Variants in SEM1 observed in about 807,000 individuals in gnomAD.
SEM1 encodes the protein SEM1 26S proteasome subunit.
SEM1 carries 3 observed loss-of-function variants against 12.7 expected under a neutral mutation model. The observed-to-expected ratio is 0.24, with a 90% CI of 0.11 to 0.61. The LOEUF is 0.61. Ranked by LOEUF, SEM1 falls within the 20% of genes least tolerant of loss-of-function variation. The pLI is 0.88. For synonymous variants in SEM1, 30 were observed against 27.8 expected, an observed-to-expected ratio of 1.08 and a Z score of -0.25; for missense variants, 59 against 81.3, an observed-to-expected ratio of 0.73 and a Z score of 1.06.
At chr7:96,505,324 G>T (rs1405334196) in intron 3 of SEM1, among the ~76,000 whole-genome samples, 1 of 151,924 alleles carries the variant, frequency 6.6e-6, no homozygotes, top group Admixed American at 6.6e-5. Context: ...GGCTAATCTT[G>T]AATTCCTGAC....
intron 2 of SEM1, among the ~76,000 whole-genome samples, chr7:96,675,574 A>G (rs1353200984): frequency 6.6e-6 from 1 of 152,106 alleles, no homozygotes; most frequent in Non-Finnish European, 1.5e-5. Flanking sequence ...CAGCTTCCTA[A>G]TAACTCCCCA....
chr7:96,583,009 T>G (rs1397098653), intron 2 of SEM1, among the ~76,000 whole-genome samples: 1 of 152,230 alleles, frequency 6.6e-6, no homozygotes, highest in Admixed American at 6.5e-5. Flanking sequence ...TCTTGCCTTC[T>G]GCTATCTTTT....
chr7:96,679,600 A>C (rs1433877820), intron 2 of SEM1, among the ~76,000 whole-genome samples: 1 of 152,130 alleles, frequency 6.6e-6, no homozygotes, highest in African/African-American at 2.4e-5. Context: ...AGGCAGCAAT[A>C]AAAAAGTATA....
At chr7:96,588,387 CACACACACACGAGA>C (rs1474104276) in intron 2 of SEM1, among the ~76,000 whole-genome samples, 17 of 68,464 alleles carry the variant, frequency 2.5e-4, no homozygotes, top group African/African-American at 6.7e-4. Context: ...CACACACACA[CACACACACACGAGA>C]GAGAGAGAGA....
intron 1 of SEM1, chr7:96,706,469 G>C (rs1790464792): frequency 6.6e-6 from 1 of 151,362 alleles, no homozygotes; most frequent in African/African-American, 2.4e-5. Flanking sequence ...GGCTGAGGCA[G>C]GAGAATCGCT....
intron 1 of SEM1, chr7:96,486,457 G>A (rs1434159375): frequency 2.7e-6 from 4 of 1,505,250 alleles, no homozygotes; most frequent in African/African-American, 2.8e-5. Context: ...GACCTTTCAG[G>A]CTGGCAGGAG....
intron 2 of SEM1, among the ~76,000 whole-genome samples, chr7:96,531,778 C>G (rs1804651284): frequency 6.6e-6 from 1 of 151,988 alleles, no homozygotes; most frequent in South Asian, 2.1e-4. Context: ...GTTAATATGG[C>G]AAGAATCTAG....
intron 2 of SEM1, among the ~76,000 whole-genome samples, chr7:96,655,769 T>C (rs1267221979): frequency 1.3e-5 from 2 of 152,244 alleles, no homozygotes; most frequent in Non-Finnish European, 2.9e-5. Flanking sequence ...TATGACTAGT[T>C]GCCTGTGGCT....
chr7:96,706,585 AAAAAAAAAAAG>A (rs1322966683), intron 1 of SEM1, among the ~76,000 whole-genome samples: 109 of 150,480 alleles, frequency 7.2e-4, no homozygotes, highest in African/African-American at 2.3e-3. Context: ...AAAAAAAAAA[AAAAAAAAAAAG>A]AGAGAGAGAA....
At chr7:96,518,425 T>C (rs1804164835) in intron 2 of SEM1, among the ~76,000 whole-genome samples, 2 of 152,116 alleles carry the variant, frequency 1.3e-5, no homozygotes, top group South Asian at 4.1e-4. Context: ...AATGTTGTCA[T>C]TAAGTCAAGA....
chr7:96,630,383 A>G (rs972182434), intron 2 of SEM1, among the ~76,000 whole-genome samples: 3 of 152,144 alleles, frequency 2.0e-5, no homozygotes, highest in East Asian at 3.9e-4. Flanking sequence ...CTTTCCAAAC[A>G]GAGAGGAGCC....
At chr7:96,558,384 GAT>G (rs1805594421) in intron 2 of SEM1, 3 of 152,306 alleles carry the variant, frequency 2.0e-5, no homozygotes, top group Non-Finnish European at 4.4e-5. Flanking sequence ...GACGGTGCCG[GAT>G]TACGATATGC....
chr7:96,516,596 G>C (rs1430556694), intron 2 of SEM1, among the ~76,000 whole-genome samples: 1 of 152,186 alleles, frequency 6.6e-6, no homozygotes, highest in African/African-American at 2.4e-5. Flanking sequence ...ATGCTGGTGA[G>C]AGTGTGGAGA....
intron 2 of SEM1, among the ~76,000 whole-genome samples, chr7:96,581,797 C>T (rs1041839656): frequency 1.3e-5 from 2 of 151,094 alleles, no homozygotes; most frequent in Non-Finnish European, 3.0e-5. Context: ...TATAAGAATG[C>T]TTGTGATTTT....
At chr7:96,673,065 A>C (rs993829625), downstream of SEM1, 3 of 152,324 alleles carry the variant, frequency 2.0e-5, no homozygotes, top group African/African-American at 7.2e-5. Context: ...ATAATTAATA[A>C]AATAATAAAA....
chr7:96,538,568 AG>A (rs1804858051), intron 2 of SEM1, among the ~76,000 whole-genome samples: 1 of 151,822 alleles, frequency 6.6e-6, no homozygotes, highest in African/African-American at 2.4e-5. Context: ...TACTCTTCAA[AG>A]AGCATCTATG....
intron 2 of SEM1, among the ~76,000 whole-genome samples, chr7:96,656,852 AATAT>A (rs57916069): frequency 0.16 from 22,428 of 144,216 alleles, 3,052 homozygotes; most frequent in African/African-American, 0.37. Flanking sequence ...TATAATGTTA[AATAT>A]ATATATATAT....
At position 96,542,779 on chromosome 7, in the gene SEM1, T is replaced by G. The variant is rs530273044; in HGVS notation, c.171-36081A>C. On this transcript the variant is annotated intron_variant and NMD_transcript_variant, in intron 2 of 3. Coordinates refer to the SEM1 transcript ENST00000466986. ...TGAGAGTTTAAATTGCCACAAATTT[T>G]GGGGGAAATATGAATAATATATATA... Among the ~76,000 whole-genome samples, 242 of 151,872 alleles carry G rather than the reference T, an allele frequency of 1.6e-3. 3 individuals are homozygous for G. The highest frequency in any genetic ancestry group is 5.0e-3 in the African/African-American group (208 of 41,488).
intron 2 of SEM1, among the ~76,000 whole-genome samples, chr7:96,660,254 A>G (rs74987948): frequency 0.014 from 2,178 of 152,264 alleles, 42 homozygotes; most frequent in African/African-American, 0.05. Flanking sequence ...AGATCCAACA[A>G]TTCTAAAATT....
Sources: gnomAD v4.1 joint callset for allele counts (sites outside exome capture counted in the v4.1 genomes callset) on GRCh38, gnomAD v4.1.1 for gene constraint, MANE v1.5 for transcripts, NCBI Gene and HGNC (gene_info 2026-07-23, HGNC 2026-07-21) for gene names.